FGD6: variants seen among roughly 807,000 people sequenced by gnomAD.
FGD6 encodes the protein FYVE, RhoGEF and PH domain containing 6.
FGD6 carries 90 observed loss-of-function variants against 149.4 expected under a neutral mutation model. The ratio of observed to expected loss-of-function variants is 0.60; its 90% confidence interval spans 0.51 to 0.72. The LOEUF is 0.72. Among genes scored for constraint, FGD6 ranks in the 30% least tolerant of loss-of-function variants. The pLI is 0.00. For missense variants in FGD6, 1,437 were observed against 1,684.8 expected (o/e 0.85, Z 2.57); for synonymous variants, 527 against 584.0 (o/e 0.90, Z 1.41).
intron 5 of FGD6, among the ~76,000 whole-genome samples, chr12:95,149,330 A>T (rs1418501902): frequency 9.9e-5 from 9 of 90,576 alleles, no homozygotes; most frequent in South Asian, 8.7e-4. Flanking sequence ...TATATTATAT[A>T]ATATATTATA....
rs1478816689 is a variant in FGD6 at position 95,172,767 on chromosome 12, A to G, written c.2442-23T>C. ...GAACTGCATTCAACAGAAAGCAGGT[A>G]TTAGTCACCTTCAATAATAAGAAGT... On this transcript the variant is annotated intron_variant, in intron 2 of 20. Transcript: ENST00000343958. 41 of 1,550,212 alleles carry G rather than the reference A, an allele frequency of 2.6e-5. No individual in the cohort carries two copies. The East Asian group carries it at 9.4e-4, about 35-fold the overall frequency.
At chr12:95,120,961 G>A (rs1210738053) in intron 8 of FGD6, among the ~76,000 whole-genome samples, 2 of 151,784 alleles carry the variant, frequency 1.3e-5, no homozygotes, top group African/African-American at 4.8e-5. Flanking sequence ...CATATTTTTA[G>A]TCTAGATGTC....
At chr12:95,087,668 G>T (rs892425434) in intron 18 of FGD6, among the ~76,000 whole-genome samples, 9 of 152,184 alleles carry the variant, frequency 5.9e-5, no homozygotes, top group African/African-American at 2.2e-4. Flanking sequence ...GTTGTTTTAA[G>T]CTGCTAAGTT....
rs1565897982 is a variant in FGD6 at position 95,108,568 on chromosome 12, T to C, written c.3134-7A>G. 1 of 1,613,920 alleles carries C rather than the reference T, an allele frequency of 6.2e-7. No individual in the cohort carries two copies. The highest frequency in any genetic ancestry group is 2.2e-5 in the East Asian group (1 of 44,888). On this transcript the variant is annotated splice_region_variant and splice_polypyrimidine_tract_variant and intron_variant, in intron 9 of 20. Coordinates refer to ENST00000343958, the MANE Select transcript of FGD6 (RefSeq NM_018351.4). ...ATAACAACAGCAAGGGCATCTGAAA[T>C]AGGCAGGAACAAAACGTGCATTTAG...
intron 18 of FGD6, among the ~76,000 whole-genome samples, chr12:95,086,446 A>G (rs1049588296): frequency 6.6e-6 from 1 of 152,106 alleles, no homozygotes; most frequent in African/African-American, 2.4e-5. Flanking sequence ...TAAGAAAGAA[A>G]AGAGGCTAAT....
rs1877567964 is a variant in FGD6 at position 95,078,562 on chromosome 12, A to G, written c.*2958T>C. The G allele has an allele frequency of 6.6e-6, 1 of 152,202 alleles. No individual in the cohort carries two copies. 9.4% of individuals were successfully genotyped at this position (152,202 alleles called of 1,614,324 possible). On this transcript the variant is annotated 3_prime_UTR_variant, in exon 21 of 21. Coordinates refer to ENST00000343958, the MANE Select transcript of FGD6 (RefSeq NM_018351.4). ...AATCAAGGGTTGGTCTGATGATCTC[A>G]TTTTAAGAAATGCTACTACACACTC...
chr12:95,172,909 G>C (rs921839604), intron 2 of FGD6, among the ~76,000 whole-genome samples, 165 bp from the exon 3 acceptor site: 2 of 152,178 alleles, frequency 1.3e-5, no homozygotes, highest in African/African-American at 4.8e-5. Context: ...CCTTCACCCT[G>C]TCTCAGCTGC....
At chr12:95,102,358 C>T (rs756777382) in intron 14 of FGD6, among the ~76,000 whole-genome samples, 5 of 145,354 alleles carry the variant, frequency 3.4e-5, no homozygotes, top group African/African-American at 7.6e-5. Context: ...GCACAAGGAT[C>T]GCTTGAAGCC....
chr12:95,100,576 C>A, intron 14 of FGD6: 1 of 423,998 alleles, frequency 2.4e-6, no homozygotes, highest in East Asian at 6.6e-5. Flanking sequence ...TATCTGTTCC[C>A]ACGACTTTCT....
intron 8 of FGD6, among the ~76,000 whole-genome samples, chr12:95,121,387 T>C (rs996410608): frequency 1.3e-5 from 2 of 148,200 alleles, no homozygotes; most frequent in African/African-American, 2.5e-5. Flanking sequence ...GAGGTGGAGG[T>C]TGCAGTGAGC....
chr12:95,209,769 A>G lies in FGD6; in HGVS notation c.1515T>C (p.Pro505=). The change falls in exon 2 of 21, where the codon CCT becomes CCC. Residue 505 remains proline, a synonymous_variant. Coordinates refer to ENST00000343958, the MANE Select transcript of FGD6 (RefSeq NM_018351.4). ...VPKKPQRHSL[P]ATGVLKKAAS... Reference sequence around the variant, plus strand: ...CAGCCTTTTTAAGCACTCCTGTAGCAGGCAAGCTATGTCTTTGAGGTTTTT... The same window carrying G: ...CAGCCTTTTTAAGCACTCCTGTAGCGGGCAAGCTATGTCTTTGAGGTTTTT... 1.2e-6 allele frequency: 2 copies of G among 1,613,590 alleles called. No individual in the cohort carries two copies. Among genetic ancestry groups the G allele is most frequent in the Non-Finnish European group, 1.7e-6 (2 of 1,179,908 alleles).
intron 14 of FGD6, among the ~76,000 whole-genome samples, chr12:95,096,676 T>A (rs1230796819): frequency 1.3e-5 from 2 of 152,178 alleles, no homozygotes; most frequent in African/African-American, 4.8e-5. Flanking sequence ...TACAACATCA[T>A]CACCCACCTT....
Position 95,082,984 on chromosome 12 carries a change from T to TTAAAAA in FGD6, c.4257-1429_4257-1428insTTTTTA, listed in dbSNP as rs1386719189. On this transcript the variant is annotated intron_variant, in intron 20 of 20. Transcript: ENST00000343958. ...CAACATTGCTAGACTCTGTCTCCAT[T>TTAAAAA]AAAAAAAAAAAAAAAAAAAAAAAAA... Among the ~76,000 whole-genome samples the TTAAAAA allele has an allele frequency of 6.2e-3, 193 of 31,132 alleles. 28 individuals carry two copies. The highest frequency in any genetic ancestry group is 0.014 in the South Asian group (7 of 506). 20.4% of individuals were successfully genotyped at this position (31,132 alleles called of 152,430 possible).
At chr12:95,105,886 T>C (rs1300935242) in intron 13 of FGD6, among the ~76,000 whole-genome samples, 1 of 152,090 alleles carries the variant, frequency 6.6e-6, no homozygotes, top group African/African-American at 2.4e-5. Context: ...TAGCTGAGCC[T>C]GTAGTCCCAT....
rs1358974047 is a variant in FGD6 at position 95,211,251 on chromosome 12, T to C, written c.33A>G (p.Pro11=). 1.3e-6 allele frequency: 2 copies of C among 1,576,476 alleles called. No homozygotes were observed. The highest frequency in any genetic ancestry group is 1.7e-6 in the Non-Finnish European group (2 of 1,168,282). MTSAAEIKKP[P]VAPKPKFVVA... ...CAACAAACTTGGGCTTGGGGGCCAC[T>C]GGTGGCTTCTTTATCTCTAGAAAGG... Residue 11 remains proline (P), a synonymous_variant, in exon 2 of 21, where the codon CCA becomes CCG. Transcript: ENST00000343958.
chr12:95,179,053 G>A (rs1258197953), intron 2 of FGD6, among the ~76,000 whole-genome samples: 1 of 152,032 alleles, frequency 6.6e-6, no homozygotes, highest in African/African-American at 2.4e-5. Flanking sequence ...ACTCTGTTAG[G>A]GTAAAATGCC....
At chr12:95,085,937 A>G (rs1208505414) in intron 18 of FGD6, 29 bp from the exon 19 acceptor site, 8 of 1,583,726 alleles carry the variant, frequency 5.1e-6, no homozygotes, top group Non-Finnish European at 6.8e-6. Context: ...ACAAAGTTTA[A>G]TGGTTTTCAG....
Position 95,081,430 on chromosome 12 carries a change from T to C in FGD6, c.*90A>G. ...TCTGGTTGGCTTTATCTTGGCAGTG[T>C]TCATTTTTATACAATTTTTGAATTG... On this transcript the variant is annotated 3_prime_UTR_variant, in exon 21 of 21. Transcript: ENST00000343958. The C allele has an allele frequency of 8.5e-7, 1 of 1,171,526 alleles. No individual in the cohort carries two copies. The highest frequency in any genetic ancestry group is 1.2e-6 in the Non-Finnish European group (1 of 849,050). 72.6% of individuals were successfully genotyped at this position (1,171,526 alleles called of 1,614,324 possible).
At chr12:95,195,928 GTGGCCAAACA>G (rs1212801254) in intron 2 of FGD6, among the ~76,000 whole-genome samples, 2 of 151,688 alleles carry the variant, frequency 1.3e-5, no homozygotes, top group Admixed American at 6.6e-5. Context: ...AAAGATCAGT[GTGGCCAAACA>G]TGGCCAAACC....
Sources: gnomAD v4.1 joint callset for allele counts (sites outside exome capture counted in the v4.1 genomes callset) on GRCh38, gnomAD v4.1.1 for gene constraint, MANE v1.5 for transcripts, NCBI Gene and HGNC (gene_info 2026-07-23, HGNC 2026-07-21) for gene names.